The following ANK2 variants were observed in gnomAD, a reference collection of about 807,000 sequenced individuals.
ANK2 encodes the protein ankyrin-2.
Under a neutral mutation model 360.5 loss-of-function variants are expected in ANK2, and 83 were observed. The observed-to-expected ratio is 0.23, with a 90% CI of 0.19 to 0.28. ANK2 has a LOEUF of 0.28. ANK2 is among the 10% of genes least tolerant of loss of function. ANK2 has a pLI of 1.00. For synonymous variants in ANK2, 1,740 were observed against 1,759.5 expected (o/e 0.99, Z 0.28); for missense variants, 4,201 against 4,795.7 (o/e 0.88, Z 3.66).
At chr4:112,762,066 C>A in the ANK2 span, among the ~76,000 whole-genome samples, 1 of 152,182 alleles carries the variant, frequency 6.6e-6, no homozygotes, top group Non-Finnish European at 1.5e-5. Flanking sequence ...GCATGGGGAA[C>A]AGACATTTCA....
chr4:113,023,727 G>A (rs963617116), intron 2 of ANK2, among the ~76,000 whole-genome samples: 5 of 152,216 alleles, frequency 3.3e-5, no homozygotes, highest in Admixed American at 6.5e-5. Context: ...GTATGACAGC[G>A]GGGTCTTTGT....
chr4:113,221,798 A>G (rs1359147244), intron 4 of ANK2, among the ~76,000 whole-genome samples: 1 of 152,244 alleles, frequency 6.6e-6, no homozygotes, highest in Non-Finnish European at 1.5e-5. Context: ...AACTGGAAAC[A>G]TGCAAAATAG....
intron 2 of ANK2, among the ~76,000 whole-genome samples, chr4:112,917,068 G>C (rs560659864): frequency 6.6e-6 from 1 of 152,304 alleles, no homozygotes; most frequent in East Asian, 1.9e-4. Flanking sequence ...AGGGGGATGT[G>C]AGAAACATGC....
chr4:113,102,680 G>A (rs1361738363), intron 1 of ANK2, among the ~76,000 whole-genome samples: 1 of 152,150 alleles, frequency 6.6e-6, no homozygotes. Flanking sequence ...CAACTGTGAA[G>A]TGCTGTTAAA....
chr4:113,026,642 C>T (rs1347651706), intron 2 of ANK2, among the ~76,000 whole-genome samples: 1 of 152,026 alleles, frequency 6.6e-6, no homozygotes, highest in Non-Finnish European at 1.5e-5. Context: ...AGAAAAGGCT[C>T]AAATGCTGAA....
chr4:113,075,806 T>C (rs959593614), intron 1 of ANK2, among the ~76,000 whole-genome samples: 7 of 152,230 alleles, frequency 4.6e-5, no homozygotes, highest in African/African-American at 1.4e-4. Flanking sequence ...ACATTCCTTT[T>C]CCCAAATCGT....
chr4:113,259,057 A>G (rs2051116906), intron 13 of ANK2, among the ~76,000 whole-genome samples: 1 of 152,214 alleles, frequency 6.6e-6, no homozygotes, highest in African/African-American at 2.4e-5. Context: ...TTCAATCAAC[A>G]AGTACTGGAT....
chr4:113,190,107 T>A (rs965291419), intron 2 of ANK2, among the ~76,000 whole-genome samples: 2 of 152,164 alleles, frequency 1.3e-5, no homozygotes, highest in African/African-American at 4.8e-5. Flanking sequence ...GAAACCATTC[T>A]AAACCCTTTG....
chr4:113,255,705 G>T, intron 10 of ANK2, 30 bp from the exon 11 acceptor site: 1 of 1,606,900 alleles, frequency 6.2e-7, no homozygotes, highest in South Asian at 1.1e-5. Context: ...AAAAAAAAAG[G>T]ACATTATTTT....
rs147302058 is a variant in ANK2, at chr4:113,156,014, AGTGT to A, written c.85-18398_85-18395del. On this transcript the variant is annotated intron_variant, in intron 1 of 45. Transcript: ENST00000357077. ...TCAGTTAGCAACTTTCAATGCCTACAGTGTGTGCCAAAAATCTACATTCTTTGAC... is the reference window on the plus strand; with the variant it reads ...TCAGTTAGCAACTTTCAATGCCTACAGTGCCAAAAATCTACATTCTTTGAC... 2.3e-3 allele frequency among the ~76,000 whole-genome samples: 358 copies of A among 152,380 alleles called. 1 individual carries two copies. Among genetic ancestry groups the A allele is most frequent in the Non-Finnish European group, 3.0e-3 (205 of 68,042 alleles).
At position 113,255,674 on chromosome 4, in the gene ANK2, T is replaced by G. The variant is rs29431; in HGVS notation, c.991-61T>G. ...GATCAAGAATCAACTTTGCTGTACTTTGGAACCTGAAAATAATGAAAAAAA... is the reference window on the plus strand; with the variant it reads ...GATCAAGAATCAACTTTGCTGTACTGTGGAACCTGAAAATAATGAAAAAAA... On this transcript the variant is annotated intron_variant, in intron 10 of 45. Coordinates refer to ENST00000357077, the MANE Select transcript of ANK2 (RefSeq NM_001148.6). 5.2e-5 allele frequency: 82 copies of G among 1,573,434 alleles called. No homozygotes were observed. The African/African-American group carries it at 1.0e-3, about 19-fold the overall frequency.
intron 2 of ANK2, among the ~76,000 whole-genome samples, chr4:113,178,966 G>A (rs1252336245): frequency 1.3e-5 from 2 of 152,108 alleles, no homozygotes; most frequent in Non-Finnish European, 2.9e-5. Context: ...TTATCTTAAA[G>A]CTCAAAACTT....
At chr4:113,332,167 A>G (rs1011465101) in intron 28 of ANK2, 97 bp downstream of exon 28, 5 of 1,090,506 alleles carry the variant, frequency 4.6e-6, no homozygotes, top group South Asian at 1.3e-5. Flanking sequence ...TGCCCATGAC[A>G]TGTCCCTTTC....
rs2153517560 is a variant in ANK2 at position 113,227,751 on chromosome 4, A to G, written c.385-4410A>G. On this transcript the variant is annotated intron_variant, in intron 4 of 45. Transcript: ENST00000357077. Reference sequence around the variant, plus strand: ...ACTTATTAGCTCAAGACTTTGGCTTAATTACGTAGGTATTTGAGCCTCAGC... The same window carrying G: ...ACTTATTAGCTCAAGACTTTGGCTTGATTACGTAGGTATTTGAGCCTCAGC... 1.3e-5 allele frequency among the ~76,000 whole-genome samples: 2 copies of G among 152,344 alleles called. 1 individual carries two copies. The highest frequency in any genetic ancestry group is 4.1e-4 in the South Asian group (2 of 4,828).
At chr4:113,144,618 AT>A (rs1369451779) in intron 1 of ANK2, among the ~76,000 whole-genome samples, 1 of 151,388 alleles carries the variant, frequency 6.6e-6, no homozygotes, top group Non-Finnish European at 1.5e-5. Flanking sequence ...ATAATATAAA[AT>A]CTAAGTCTGG....
chr4:113,339,041 A>C (rs573651942), intron 31 of ANK2, among the ~76,000 whole-genome samples, 185 bp from the exon 32 acceptor site: 20 of 152,130 alleles, frequency 1.3e-4, no homozygotes, highest in East Asian at 3.8e-4. Context: ...TAGTTTCTTG[A>C]GTGGTAGTCT....
the ANK2 span, among the ~76,000 whole-genome samples, chr4:112,743,324 T>C: frequency 1.3e-5 from 2 of 152,138 alleles, no homozygotes; most frequent in Non-Finnish European, 2.9e-5. Context: ...TTCTACAATA[T>C]TGGTTTTTCA....
At chr4:113,188,082 A>T (rs1466604021) in intron 2 of ANK2, among the ~76,000 whole-genome samples, 4 of 152,178 alleles carry the variant, frequency 2.6e-5, no homozygotes, top group Non-Finnish European at 5.9e-5. Context: ...ATGAAAATCA[A>T]TTGTGTTGTG....
intron 2 of ANK2, among the ~76,000 whole-genome samples, chr4:113,038,425 T>C (rs2062097813): frequency 6.6e-6 from 1 of 152,022 alleles, no homozygotes; most frequent in South Asian, 2.1e-4. Flanking sequence ...ATTGCAGTTC[T>C]GGCTAGCAGA....
Sources: gnomAD v4.1 joint callset for allele counts (sites outside exome capture counted in the v4.1 genomes callset) on GRCh38, gnomAD v4.1.1 for gene constraint, MANE v1.5 for transcripts, NCBI Gene and HGNC (gene_info 2026-07-23, HGNC 2026-07-21) for gene names.